Variants in PPM1A observed in about 807,000 individuals in gnomAD.
PPM1A encodes the protein protein phosphatase, Mg2+/Mn2+ dependent 1A.
PPM1A carries 7 observed loss-of-function variants against 35.0 expected under a neutral mutation model. That is an observed-to-expected ratio of 0.20 (90% CI 0.11 to 0.38). The LOEUF (loss-of-function observed/expected upper bound fraction) is 0.38. Among genes scored for constraint, PPM1A ranks in the 10% least tolerant of loss-of-function variants. PPM1A has a pLI of 1.00. For synonymous variants in PPM1A, 153 were observed against 167.3 expected (o/e 0.91, Z 0.66); for missense variants, 239 against 467.8 (o/e 0.51, Z 4.51).
chr14:60,260,446 A>G (rs1883618592), intron 1 of PPM1A, among the ~76,000 whole-genome samples: 1 of 152,124 alleles, frequency 6.6e-6, no homozygotes, highest in Non-Finnish European at 1.5e-5. Context: ...ACTGCTATGT[A>G]TAATCCATAG....
intron 1 of PPM1A, chr14:60,250,442 C>T (rs1456075687): frequency 1.4e-5 from 14 of 984,668 alleles, no homozygotes; most frequent in Non-Finnish European, 1.4e-5. Context: ...CTTCTACCAA[C>T]TGCAGTTTTA....
chr14:60,271,759 T>C (rs896016182), intron 1 of PPM1A, among the ~76,000 whole-genome samples: 3 of 152,230 alleles, frequency 2.0e-5, no homozygotes, highest in African/African-American at 7.2e-5. Context: ...GTGTCTCTTA[T>C]AATCTTGATA....
rs1022720824 is a variant in PPM1A, at chr14:60,297,781, G to A, written c.*5299G>A. 4 of 151,440 alleles carry A rather than the reference G, an allele frequency of 2.6e-5. No individual in the cohort carries two copies. The highest frequency in any genetic ancestry group is 5.9e-5 in the Non-Finnish European group (4 of 67,598). The allele number at this position is 151,440 out of a possible 1,614,324, so 9.4% of individuals were successfully genotyped here. On this transcript the variant is annotated 3_prime_UTR_variant, in exon 6 of 6. Transcript: ENST00000395076. ...TTAGCAATGCTTCTTAACCTTTTGG[G>A]GTCACAGGCGTTTTGAGACTGATGA...
chr14:60,287,785 C>G (rs1284124086), intron 3 of PPM1A: 1 of 982,138 alleles, frequency 1.0e-6, no homozygotes, highest in Non-Finnish European at 1.2e-6. Flanking sequence ...ATTTTGTGGT[C>G]CTTCTAAGCC....
At chr14:60,274,754 A>T (rs1434920675) in intron 1 of PPM1A, among the ~76,000 whole-genome samples, 1 of 150,898 alleles carries the variant, frequency 6.6e-6, no homozygotes, top group Non-Finnish European at 1.5e-5. Flanking sequence ...AGTTCAGTAA[A>T]TTGCTTCTCA....
At chr14:60,251,459 G>A (rs1368152798) in intron 1 of PPM1A, among the ~76,000 whole-genome samples, 1 of 152,218 alleles carries the variant, frequency 6.6e-6, no homozygotes, top group African/African-American at 2.4e-5. Flanking sequence ...GAACAGTGCA[G>A]TAGGAGACAA....
upstream of PPM1A, chr14:60,246,027 G>T: frequency 6.4e-7 from 1 of 1,574,782 alleles, no homozygotes; most frequent in South Asian, 1.2e-5. Flanking sequence ...GGATGTGTGA[G>T]AGAAAAAAAT....
rs1014008197 is a variant in PPM1A, at chr14:60,296,674, A to G, written c.*4192A>G. 1.1e-5 allele frequency: 4 copies of G among 348,638 alleles called. No homozygotes were observed. Among genetic ancestry groups the G allele is most frequent in the African/African-American group, 8.4e-5 (4 of 47,704 alleles). The allele number at this position is 348,638 out of a possible 1,614,324, so 21.6% of individuals were successfully genotyped here. A position where few individuals can be genotyped will look rare whatever the true frequency, so the allele number is the denominator to read the frequency against. ...TTGGTTTGTATATGTTTTAAATTGT[A>G]TATTTCCTTGGAATATGCTTGAAAT... On this transcript the variant is annotated 3_prime_UTR_variant, in exon 6 of 6. Coordinates refer to ENST00000395076, the MANE Select transcript of PPM1A (RefSeq NM_021003.5). The surrounding 1 kb of genome is among the most constrained non-coding windows in gnomAD (Gnocchi z 4.4).
Position 60,298,473 on chromosome 14 carries a change from G to T in PPM1A, c.*5991G>T, listed in dbSNP as rs73317872. 2.9e-4 allele frequency: 44 copies of T among 151,810 alleles called. No homozygotes were observed. Among genetic ancestry groups the T allele is most frequent in the African/African-American group, 9.2e-4 (38 of 41,518 alleles). 9.4% of individuals were successfully genotyped at this position (151,810 alleles called of 1,614,324 possible). A position where few individuals can be genotyped will look rare whatever the true frequency, so the allele number is the denominator to read the frequency against. On this transcript the variant is annotated 3_prime_UTR_variant, in exon 6 of 6. Coordinates refer to ENST00000395076, the MANE Select transcript of PPM1A (RefSeq NM_021003.5). ...ATATAATAAGTACAATGTAACAAAC[G>T]TATAGAATTTTGCATTTGTTGCCAA...
At chr14:60,286,256 C>A (rs1044914228) in intron 3 of PPM1A, 3 of 985,850 alleles carry the variant, frequency 3.0e-6, no homozygotes, top group African/African-American at 1.7e-5. Flanking sequence ...GAGCTTCTTC[C>A]CTAAGCCATA....
rs1193265905 is a variant in PPM1A, at chr14:60,286,692, CT to C, written c.952+956del. 5.1e-6 allele frequency: 5 copies of C among 984,318 alleles called. No homozygotes were observed. In the East Asian group the frequency reaches 3.4e-4, roughly 67 times the overall value. 61.0% of individuals were successfully genotyped at this position (984,318 alleles called of 1,614,324 possible). ...ACTACTCACTTTAATTTTTTTTCCCCTTTTTACTGTTTGATACCAATCATAA... is the reference window on the plus strand; with the variant it reads ...ACTACTCACTTTAATTTTTTTTCCCCTTTTACTGTTTGATACCAATCATAA... On this transcript the variant is annotated intron_variant, in intron 3 of 5. Coordinates refer to ENST00000395076, the MANE Select transcript of PPM1A (RefSeq NM_021003.5).
chr14:60,256,471 T>G (rs1009847640), intron 1 of PPM1A, among the ~76,000 whole-genome samples: 1 of 151,990 alleles, frequency 6.6e-6, no homozygotes, highest in Non-Finnish European at 1.5e-5. Flanking sequence ...ATAGTAAAAT[T>G]TATTGGCTTT....
At chr14:60,255,467 G>A (rs1353917833) in intron 1 of PPM1A, among the ~76,000 whole-genome samples, 3 of 152,096 alleles carry the variant, frequency 2.0e-5, no homozygotes, top group East Asian at 1.9e-4. Context: ...CACCGCGCCC[G>A]GCCTATCATA....
chr14:60,274,904 G>T (rs1885575939), intron 1 of PPM1A, among the ~76,000 whole-genome samples: 1 of 150,314 alleles, frequency 6.7e-6, no homozygotes, highest in African/African-American at 2.4e-5. Flanking sequence ...TTCAACTTCT[G>T]AATTAAAAAA....
rs1341558884 is a variant in PPM1A, at chr14:60,282,975, C to G, written c.272C>G (p.Ala91Gly). 1.7e-5 allele frequency: 28 copies of G among 1,614,200 alleles called. No individual in the cohort carries two copies. The highest frequency in any genetic ancestry group is 2.4e-5 in the Non-Finnish European group (28 of 1,180,036). Residue 91 changes from alanine to glycine, a missense_variant, in exon 2 of 6, where the codon GCA (alanine) becomes GGA (glycine). Ala to Gly is a moderately conservative substitution (Grantham distance 60). Transcript: ENST00000395076. The surrounding 1 kb of genome is among the most constrained non-coding windows in gnomAD (Gnocchi z 5.1). ...NNQDFKGSAG[A>G]PSVENVKNGI... ...CAGGATTTTAAAGGGTCTGCAGGAG[C>G]ACCTTCTGTGGAAAATGTAAAGAAT...
Position 60,282,013 on chromosome 14 carries a change from C to A in PPM1A, c.-20-671C>A, listed in dbSNP as rs533323591. ...CATTTACAGTAATTTAATAACTTAA[C>A]TGACTTTATCAAAAACTGAAAAACC... On this transcript the variant is annotated intron_variant, in intron 1 of 5. Coordinates refer to ENST00000395076, the MANE Select transcript of PPM1A (RefSeq NM_021003.5). This position sits in a 1 kb window ranked among gnomAD's most constrained non-coding sequence, Gnocchi z 5.1. Among the ~76,000 whole-genome samples, 19 of 152,088 alleles carry A rather than the reference C, an allele frequency of 1.2e-4. No individual in the cohort carries two copies. Among genetic ancestry groups the A allele is most frequent in the Non-Finnish European group, 2.5e-4 (17 of 68,004 alleles).
chr14:60,294,535 A>AT lies in PPM1A; in HGVS notation c.*2053_*2054insT, dbSNP rs1887907809. 6.6e-6 allele frequency: 1 copy of AT among 151,898 alleles called. No individual in the cohort carries two copies. The highest frequency in any genetic ancestry group is 1.9e-4 in the East Asian group (1 of 5,198). 9.4% of individuals were successfully genotyped at this position (151,898 alleles called of 1,614,324 possible). A position where few individuals can be genotyped will look rare whatever the true frequency, so the allele number is the denominator to read the frequency against. ...AATTACCAGACATACTGGTACTGAA[A>AT]GCTAAATCCCTATTATAACAAACCA... On this transcript the variant is annotated 3_prime_UTR_variant, in exon 6 of 6. Coordinates refer to ENST00000395076, the MANE Select transcript of PPM1A (RefSeq NM_021003.5).
At chr14:60,267,535 T>C (rs1375255986) in intron 1 of PPM1A, among the ~76,000 whole-genome samples, 1 of 152,088 alleles carries the variant, frequency 6.6e-6, no homozygotes, top group Non-Finnish European at 1.5e-5. Context: ...AGTGCTGTCT[T>C]TGTCAAATTT....
chr14:60,288,095 C>T, intron 3 of PPM1A: 8 of 982,240 alleles, frequency 8.1e-6, no homozygotes, highest in Non-Finnish European at 9.7e-6. Context: ...CAGACAGAAG[C>T]AAGGCTAGTA....
Sources: gnomAD v4.1 joint callset for allele counts (sites outside exome capture counted in the v4.1 genomes callset) on GRCh38, gnomAD v4.1.1 for gene constraint, Gnocchi (gnomAD v3.1) non-coding constraint, MANE v1.5 for transcripts, NCBI Gene and HGNC (gene_info 2026-07-23, HGNC 2026-07-21) for gene names.